PBK: variants seen among roughly 807,000 people sequenced by gnomAD.
PBK encodes PDZ binding kinase, also known as lymphokine-activated killer T-cell-originated protein kinase.
In PBK, 22 loss-of-function variants were observed where a neutral mutation model predicts 33.5. The observed-to-expected ratio is 0.66, with a 90% CI of 0.47 to 0.94. The LOEUF is 0.94. PBK is among the 40% of genes least tolerant of loss of function. The pLI is 0.00. For synonymous variants in PBK, 129 were observed against 123.8 expected (o/e 1.04, Z -0.28); for missense variants, 376 against 383.4 (o/e 0.98, Z 0.16).
intron 3 of PBK, among the ~76,000 whole-genome samples, chr8:27,825,301 G>A (rs759262562): frequency 6.6e-6 from 1 of 152,124 alleles, no homozygotes; most frequent in Non-Finnish European, 1.5e-5. Context: ...AGTCACATGT[G>A]GTGGCCCACG....
At position 27,833,150 on chromosome 8, in the gene PBK, T is replaced by C. The variant is rs762513134; in HGVS notation, c.-20-17A>G. On this transcript the variant is annotated splice_polypyrimidine_tract_variant and intron_variant, in intron 1 of 7. Coordinates refer to ENST00000301905, the MANE Select transcript of PBK (RefSeq NM_018492.4). ...CTCTCAGTCCTACGATGAAAACAAA[T>C]TGCAAGTTACACAGCAGATATAAAG... 7.3e-6 allele frequency: 10 copies of C among 1,376,426 alleles called. No individual in the cohort carries two copies. Among genetic ancestry groups the C allele is most frequent in the Non-Finnish European group, 3.0e-6 (3 of 989,678 alleles). The allele number at this position is 1,376,426 out of a possible 1,614,324, so 85.3% of individuals were successfully genotyped here.
At chr8:27,820,774 C>T (rs1805910428) in intron 5 of PBK, 80 bp from the exon 6 acceptor site, 2 of 716,562 alleles carry the variant, frequency 2.8e-6, no homozygotes, top group Non-Finnish European at 4.5e-6. Context: ...AATATAACAA[C>T]TTGAACTCCC....
At position 27,829,557 on chromosome 8, in the gene PBK, C is replaced by T. The variant is rs1047624965; in HGVS notation, c.59-1359G>A. Among the ~76,000 whole-genome samples the T allele has an allele frequency of 4.7e-4, 72 of 152,144 alleles. 1 individual carries two copies. Among genetic ancestry groups the T allele is most frequent in the Admixed American group, 4.6e-3 (70 of 15,274 alleles). ...GCATGAAAGCAGCAAGAAAATATGA[C>T]CAATATAGGAGAAAAATAAATCAAT... On this transcript the variant is annotated intron_variant, in intron 2 of 7. Transcript: ENST00000301905.
At chr8:27,818,648 T>A (rs1302290337) in intron 6 of PBK, among the ~76,000 whole-genome samples, 1 of 150,058 alleles carries the variant, frequency 6.7e-6, no homozygotes, top group Non-Finnish European at 1.5e-5. Flanking sequence ...TAACTCTTAA[T>A]GCATTAGAAA....
Position 27,822,506 on chromosome 8 carries a change from AT to A in PBK, c.296-19del, listed in dbSNP as rs1805950012. The A allele has an allele frequency of 1.9e-6, 3 of 1,540,452 alleles. No homozygotes were observed. Among genetic ancestry groups the A allele is most frequent in the Admixed American group, 1.9e-5 (1 of 51,842 alleles). The stretch of plus-strand genomic sequence containing the variant: ...ACGATAACCTTAAAGAAAACATGAC[AT>A]TTCTTCACTAATATAGAGAAGAACA... On this transcript the variant is annotated intron_variant, in intron 4 of 7. Transcript: ENST00000301905.
intron 6 of PBK, among the ~76,000 whole-genome samples, chr8:27,811,506 T>C (rs949752703): frequency 2.6e-5 from 4 of 152,166 alleles, no homozygotes; most frequent in Non-Finnish European, 5.9e-5. Context: ...AATTTCTTCA[T>C]TTTGTGAACA....
chr8:27,822,201 T>A, intron 5 of PBK, 118 bp downstream of exon 5: 2 of 748,088 alleles, frequency 2.7e-6, no homozygotes, highest in Non-Finnish European at 4.3e-6. Flanking sequence ...TAACCCCTTT[T>A]TGGAACTGAC....
intron 3 of PBK, among the ~76,000 whole-genome samples, chr8:27,827,531 AT>A (rs1474941242): frequency 3.3e-5 from 5 of 152,242 alleles, no homozygotes; most frequent in African/African-American, 4.8e-5. Context: ...TTTCAAAAAA[AT>A]ATATGAATAA....
chr8:27,833,372 G>A (rs946967974), intron 1 of PBK, among the ~76,000 whole-genome samples: 2 of 152,124 alleles, frequency 1.3e-5, no homozygotes, highest in African/African-American at 4.8e-5. Flanking sequence ...AGCCAGGCGT[G>A]GTGGCGCATG....
chr8:27,833,449 C>T (rs558355513), intron 1 of PBK, among the ~76,000 whole-genome samples: 8 of 151,082 alleles, frequency 5.3e-5, no homozygotes, highest in East Asian at 3.9e-4. Flanking sequence ...GCAGAGGTTG[C>T]GGTGAGCCGA....
chr8:27,813,961 G>A (rs1805759108), intron 6 of PBK, among the ~76,000 whole-genome samples: 1 of 152,074 alleles, frequency 6.6e-6, no homozygotes, highest in Admixed American at 6.5e-5. Context: ...ACATGTTTAT[G>A]TGTTAATGTG....
chr8:27,827,813 C>T (rs1806054674), intron 3 of PBK, among the ~76,000 whole-genome samples: 1 of 152,126 alleles, frequency 6.6e-6, no homozygotes, highest in South Asian at 2.1e-4. Context: ...GTTTAATTAC[C>T]ACAAAGGAAC....
chr8:27,810,101 C>T lies in PBK; in HGVS notation c.*204G>A, dbSNP rs889775330. The T allele has an allele frequency of 1.9e-6, 1 of 522,540 alleles. No homozygotes were observed. Among genetic ancestry groups the T allele is most frequent in the Non-Finnish European group, 3.3e-6 (1 of 300,378 alleles). 32.4% of individuals were successfully genotyped at this position (522,540 alleles called of 1,614,324 possible). A position where few individuals can be genotyped will look rare whatever the true frequency, so the allele number is the denominator to read the frequency against. On this transcript the variant is annotated 3_prime_UTR_variant, in exon 8 of 8. Coordinates refer to ENST00000301905, the MANE Select transcript of PBK (RefSeq NM_018492.4). ...GTACTTATGTAGCTAGTTTCTAAAACTTTACAGAAAACCCAGTACAATTCC... is the reference window on the plus strand; with the variant it reads ...GTACTTATGTAGCTAGTTTCTAAAATTTTACAGAAAACCCAGTACAATTCC...
rs1469659061 is a variant in PBK, at chr8:27,837,774, T to TA, written c.-144dup. 1 of 152,112 alleles carries TA rather than the reference T, an allele frequency of 6.6e-6. No homozygotes were observed. The highest frequency in any genetic ancestry group is 1.5e-5 in the Non-Finnish European group (1 of 68,012). 9.4% of individuals were successfully genotyped at this position (152,112 alleles called of 1,614,324 possible). A position where few individuals can be genotyped will look rare whatever the true frequency, so the allele number is the denominator to read the frequency against. ...TGCAGCTGCCTCTAGCACCAACACA[T>TA]ACGCCCGGCAGCTGCCGTTGCAATT... On this transcript the variant is annotated 5_prime_UTR_variant, in exon 1 of 8. Coordinates refer to ENST00000301905, the MANE Select transcript of PBK (RefSeq NM_018492.4).
At chr8:27,820,934 C>A (rs1805915506) in intron 5 of PBK, among the ~76,000 whole-genome samples, 1 of 151,702 alleles carries the variant, frequency 6.6e-6, no homozygotes, top group Non-Finnish European at 1.5e-5. Flanking sequence ...AGTGATTTTC[C>A]TGCCTCAGCC....
intron 1 of PBK, among the ~76,000 whole-genome samples, chr8:27,834,895 C>CA (rs547858262): frequency 0.01 from 1,237 of 121,372 alleles, 13 homozygotes; most frequent in African/African-American, 0.034. Flanking sequence ...GATTCCATCT[C>CA]AAAAAAAAAA....
At chr8:27,822,286 CAG>C (rs774590430) in intron 5 of PBK, 31 bp downstream of exon 5, 6 of 1,428,040 alleles carry the variant, frequency 4.2e-6, no homozygotes, top group South Asian at 1.3e-5. Context: ...TGAACAAAAA[CAG>C]AAGTCATTTA....
At chr8:27,835,351 TTTAAC>T (rs1425685468) in intron 1 of PBK, among the ~76,000 whole-genome samples, 1 of 152,158 alleles carries the variant, frequency 6.6e-6, no homozygotes, top group African/African-American at 2.4e-5. Context: ...AAGTGACCCA[TTTAAC>T]TTGACGGTAG....
Position 27,822,382 on chromosome 8 carries a change from G to T in PBK, c.402C>A (p.Ser134Arg). The part of the protein sequence containing the change: ...NDLIEERYKA[S>R]QDPFPAAIIL... ...TTATGGCTGCTGGAAAAGGATCTTG[G>T]CTGGCTTTATATCGTTCTTCTATTA... The change falls in exon 5 of 8, where the codon AGC becomes AGA. Residue 134 changes from serine to arginine, a missense_variant. Physicochemically the swap from Ser to Arg is moderately radical, Grantham distance 110 (BLOSUM62 -1). Transcript: ENST00000301905. 1.9e-6 allele frequency: 3 copies of T among 1,613,352 alleles called. No individual in the cohort carries two copies. Among genetic ancestry groups the T allele is most frequent in the Non-Finnish European group, 2.5e-6 (3 of 1,179,630 alleles).
Sources: allele counts gnomAD v4.1 joint callset (sites outside exome capture counted in the v4.1 genomes callset), GRCh38; gene constraint gnomAD v4.1.1; transcripts MANE v1.5; gene names NCBI Gene and HGNC (gene_info 2026-07-23, HGNC 2026-07-21).